The following LRP1B variants were observed in gnomAD, a reference collection of about 807,000 sequenced individuals.
The protein encoded by LRP1B is low-density lipoprotein receptor-related protein 1B.
In LRP1B, 217 loss-of-function variants were observed where a neutral mutation model predicts 556.6. The observed-to-expected ratio is 0.39, with a 90% CI of 0.35 to 0.44. The LOEUF is 0.44. LRP1B is among the 20% of genes least tolerant of loss of function. The probability of loss-of-function intolerance (pLI) is 1.00; values close to 1 mark genes in which losing one functional copy is unlikely to be tolerated. For synonymous variants in LRP1B, 2,047 were observed against 1,865.8 expected (o/e 1.10, Z -2.50); for missense variants, 5,053 against 5,620.8 (o/e 0.90, Z 3.23).
At chr2:140,273,782 G>A (rs1387165531) in intron 85 of LRP1B, among the ~76,000 whole-genome samples, 5 of 151,952 alleles carry the variant, frequency 3.3e-5, no homozygotes, top group South Asian at 4.1e-4. Flanking sequence ...CTGGTTTCAC[G>A]ATAGAAACTG....
At chr2:140,878,252 C>T (rs1183374273) in intron 25 of LRP1B, among the ~76,000 whole-genome samples, 3 of 151,868 alleles carry the variant, frequency 2.0e-5, no homozygotes, top group African/African-American at 7.3e-5. Flanking sequence ...TAAATAGGTA[C>T]AAATTTTTAA....
intron 1 of LRP1B, 123 bp from the exon 2 acceptor site, chr2:141,810,524 TG>T: frequency 9.8e-7 from 1 of 1,022,726 alleles, no homozygotes. Flanking sequence ...CCACATTTTC[TG>T]TTCGGCAGCA....
At chr2:141,205,850 T>C (rs1457238188) in intron 6 of LRP1B, among the ~76,000 whole-genome samples, 1 of 152,200 alleles carries the variant, frequency 6.6e-6, no homozygotes, top group Non-Finnish European at 1.5e-5. Flanking sequence ...AGATCATTTA[T>C]TTTAAAAACC....
chr2:141,552,063 C>T (rs1290505742), intron 2 of LRP1B, among the ~76,000 whole-genome samples: 1 of 151,914 alleles, frequency 6.6e-6, no homozygotes, highest in Non-Finnish European at 1.5e-5. Context: ...TTTTTAAATG[C>T]AAAGTCTTTC....
intron 2 of LRP1B, among the ~76,000 whole-genome samples, chr2:141,681,875 A>G (rs1558801184): frequency 6.6e-6 from 1 of 152,296 alleles, no homozygotes; most frequent in East Asian, 1.9e-4. Context: ...TTGAGAAAGA[A>G]GAGTTCCAAT....
At chr2:142,095,377 A>C (rs1310232020) in intron 1 of LRP1B, among the ~76,000 whole-genome samples, 2 of 151,724 alleles carry the variant, frequency 1.3e-5, no homozygotes, top group East Asian at 3.9e-4. Context: ...AGTTCAGTAG[A>C]CTCCATAGTT....
chr2:141,056,649 T>G (rs1161090149), intron 9 of LRP1B, among the ~76,000 whole-genome samples: 1 of 151,826 alleles, frequency 6.6e-6, no homozygotes, highest in Non-Finnish European at 1.5e-5. Flanking sequence ...TCTTTTCAGC[T>G]TATTGCTGGA....
At chr2:141,657,661 T>C (rs750549918) in intron 2 of LRP1B, among the ~76,000 whole-genome samples, 1 of 152,174 alleles carries the variant, frequency 6.6e-6, no homozygotes, top group Non-Finnish European at 1.5e-5. Context: ...TGAGTCCAAC[T>C]TGGATATCCT....
chr2:141,112,768 A>T (rs1232136180), intron 7 of LRP1B, among the ~76,000 whole-genome samples: 1 of 152,324 alleles, frequency 6.6e-6, no homozygotes, highest in East Asian at 1.9e-4. Flanking sequence ...AGGTAACTTT[A>T]CTGAATGGAA....
At chr2:141,059,080 T>C in intron 8 of LRP1B, 26 bp from the exon 9 acceptor site, 1 of 1,359,268 alleles carries the variant, frequency 7.4e-7, no homozygotes, top group Non-Finnish European at 9.8e-7. Flanking sequence ...AACATAACTA[T>C]GATTTTTAAT....
At chr2:141,692,811 C>T (rs1394613708) in intron 2 of LRP1B, among the ~76,000 whole-genome samples, 1 of 152,018 alleles carries the variant, frequency 6.6e-6, no homozygotes, top group African/African-American at 2.4e-5. Context: ...GTACTTAACA[C>T]TCTCAGCAAC....
intron 7 of LRP1B, among the ~76,000 whole-genome samples, chr2:141,177,290 A>AAT (rs1377625606): frequency 6.6e-6 from 1 of 152,098 alleles, no homozygotes; most frequent in Non-Finnish European, 1.5e-5. Flanking sequence ...GAAAAAAATA[A>AAT]ATATTTCAAT....
intron 1 of LRP1B, among the ~76,000 whole-genome samples, chr2:141,992,505 T>G (rs1702376604): frequency 6.6e-6 from 1 of 152,140 alleles, no homozygotes; most frequent in African/African-American, 2.4e-5. Context: ...AAGTAAAATT[T>G]TACTCCGCAT....
intron 31 of LRP1B, among the ~76,000 whole-genome samples, chr2:140,817,052 T>G (rs1172786957): frequency 6.6e-6 from 1 of 152,064 alleles, no homozygotes; most frequent in Admixed American, 6.5e-5. Context: ...GAATGCTAAA[T>G]CAATACCCAT....
At chr2:141,461,873 C>A (rs967302961) in intron 3 of LRP1B, among the ~76,000 whole-genome samples, 19 of 152,190 alleles carry the variant, frequency 1.2e-4, no homozygotes, top group African/African-American at 4.6e-4. Context: ...ATTACTTTGT[C>A]ATCGTACAAA....
chr2:140,640,828 C>G (rs1684268384), intron 41 of LRP1B, among the ~76,000 whole-genome samples: 1 of 152,010 alleles, frequency 6.6e-6, no homozygotes, highest in Non-Finnish European at 1.5e-5. Context: ...CATAAGAGAG[C>G]CTGACACAGG....
At chr2:141,206,492 G>A (rs1230857559) in intron 6 of LRP1B, among the ~76,000 whole-genome samples, 1 of 151,880 alleles carries the variant, frequency 6.6e-6, no homozygotes, top group Non-Finnish European at 1.5e-5. Context: ...GGCTGAGGCA[G>A]GGGAGAACGG....
chr2:140,945,932 TG>T (rs1695530698), intron 20 of LRP1B, among the ~76,000 whole-genome samples: 1 of 152,096 alleles, frequency 6.6e-6, no homozygotes, highest in Admixed American at 6.6e-5. Flanking sequence ...ACCTGCAGAA[TG>T]GGGGCAAGTC....
chr2:141,579,748 G>A (rs74860605), intron 2 of LRP1B, among the ~76,000 whole-genome samples: 30,271 of 72,832 alleles, frequency 0.42, 4,608 homozygotes, highest in East Asian at 0.64. Context: ...TTTTTGAGAC[G>A]GAGTGCAGTG....
Sources: gnomAD v4.1 joint callset for allele counts (sites outside exome capture counted in the v4.1 genomes callset) on GRCh38, gnomAD v4.1.1 for gene constraint, MANE v1.5 for transcripts, NCBI Gene and HGNC (gene_info 2026-07-23, HGNC 2026-07-21) for gene names.